The following TAF1B variants were observed in gnomAD, a reference collection of about 807,000 sequenced individuals.
TAF1B encodes TATA-box binding protein associated factor, RNA polymerase I subunit B.
In TAF1B, 61 loss-of-function variants were observed where a neutral mutation model predicts 83.9. The observed-to-expected ratio is 0.73, with a 90% CI of 0.59 to 0.90. The LOEUF (loss-of-function observed/expected upper bound fraction) is 0.90, where lower values mean the gene tolerates loss of function less well. Among genes scored for constraint, TAF1B ranks in the 40% least tolerant of loss-of-function variants. The probability of loss-of-function intolerance (pLI) is 0.00; values close to 1 mark genes in which losing one functional copy is unlikely to be tolerated. For synonymous variants in TAF1B, 221 were observed against 224.6 expected (o/e 0.98, Z 0.14); for missense variants, 625 against 677.0 (o/e 0.92, Z 0.85).
chr2:9,846,597 T>C (rs1342604419), intron 2 of TAF1B, among the ~76,000 whole-genome samples: 1 of 152,218 alleles, frequency 6.6e-6, no homozygotes, highest in East Asian at 1.9e-4. Flanking sequence ...GGACAAAATA[T>C]ATTAAATGAG....
At chr2:9,873,304 G>A (rs187748519) in intron 6 of TAF1B, among the ~76,000 whole-genome samples, 4 of 152,284 alleles carry the variant, frequency 2.6e-5, no homozygotes, top group Admixed American at 2.0e-4. Flanking sequence ...TATGAAGAAA[G>A]GACTTACAGA....
At position 9,933,836 on chromosome 2, in the gene TAF1B, A is replaced by G. The variant is rs748706662; in HGVS notation, c.1619A>G (p.Gln540Arg). 2 of 1,613,874 alleles carry G rather than the reference A, an allele frequency of 1.2e-6. No individual in the cohort carries two copies. The highest frequency in any genetic ancestry group is 8.5e-7 in the Non-Finnish European group (1 of 1,179,870). The change falls in exon 15 of 15, where the codon CAG (glutamine) becomes CGG (arginine). Residue 540 changes from glutamine to arginine, a missense_variant. By Grantham distance (43) the Gln-to-Arg change is conservative. Coordinates refer to ENST00000263663, the MANE Select transcript of TAF1B (RefSeq NM_005680.3). ...YEESNYSLSY[Q>R]FILNLFSFLL... Reference sequence around the variant, plus strand: ...GAATCAAATTATTCTCTGAGTTATCAGTTTATACTAAATCTCTTCTCCTTC... The same window carrying G: ...GAATCAAATTATTCTCTGAGTTATCGGTTTATACTAAATCTCTTCTCCTTC...
chr2:9,874,096 TATAAAG>T (rs1378471205), intron 6 of TAF1B, among the ~76,000 whole-genome samples: 2 of 152,172 alleles, frequency 1.3e-5, no homozygotes, highest in African/African-American at 2.4e-5. Flanking sequence ...TTTCTGTTCT[TATAAAG>T]AGAAAGAGGT....
chr2:9,867,730 G>T (rs1026336477), intron 5 of TAF1B, among the ~76,000 whole-genome samples: 2 of 152,166 alleles, frequency 1.3e-5, no homozygotes, highest in Non-Finnish European at 2.9e-5. Context: ...TTAAACAGTA[G>T]TATGAGATAG....
intron 6 of TAF1B, among the ~76,000 whole-genome samples, chr2:9,870,726 C>G (rs756949926): frequency 2.0e-5 from 3 of 151,282 alleles, no homozygotes; most frequent in Non-Finnish European, 4.4e-5. Flanking sequence ...TCTCTCTCTT[C>G]TCAATATAAT....
rs1382900202 is a variant in TAF1B at position 9,843,529 on chromosome 2, C to A, written c.-13C>A. 1 of 1,523,022 alleles carries A rather than the reference C, an allele frequency of 6.6e-7. No individual in the cohort carries two copies. The highest frequency in any genetic ancestry group is 8.8e-7 in the Non-Finnish European group (1 of 1,132,408). The allele number at this position is 1,523,022 out of a possible 1,614,324, so 94.3% of individuals were successfully genotyped here. A position where few individuals can be genotyped will look rare whatever the true frequency, so the allele number is the denominator to read the frequency against. ...TAACGGGTCCCGGCTGTGGAAGCTC[C>A]CGCGGCGCCGCGATGGACCTCGAGG... On this transcript the variant is annotated 5_prime_UTR_variant, in exon 1 of 15. Transcript: ENST00000263663.
chr2:9,853,242 C>G (rs912121038), intron 4 of TAF1B, among the ~76,000 whole-genome samples: 5 of 152,140 alleles, frequency 3.3e-5, no homozygotes, highest in African/African-American at 4.8e-5. Context: ...CTGTTTAGAC[C>G]TGATCAGTTG....
At chr2:9,893,160 G>A (rs1342324938) in intron 8 of TAF1B, among the ~76,000 whole-genome samples, 1 of 152,168 alleles carries the variant, frequency 6.6e-6, no homozygotes, top group Non-Finnish European at 1.5e-5. Flanking sequence ...TACAAAGAAT[G>A]CCCATATATC....
intron 2 of TAF1B, among the ~76,000 whole-genome samples, chr2:9,846,972 A>T (rs1204255352): frequency 6.6e-6 from 1 of 152,256 alleles, no homozygotes; most frequent in African/African-American, 2.4e-5. Flanking sequence ...GTGTAAACCC[A>T]GTGAAGAAAG....
chr2:9,884,031 G>A (rs1664592321), intron 8 of TAF1B, among the ~76,000 whole-genome samples: 1 of 152,340 alleles, frequency 6.6e-6, no homozygotes, highest in East Asian at 1.9e-4. Flanking sequence ...TCTCATGCCT[G>A]CCAAGGGCAA....
chr2:9,877,456 T>C (rs575851235), intron 7 of TAF1B, among the ~76,000 whole-genome samples: 101 of 152,316 alleles, frequency 6.6e-4, no homozygotes, highest in African/African-American at 2.4e-3. Context: ...TGGTCAATTG[T>C]CCACTCAGTT....
chr2:9,923,448 G>T lies in TAF1B; in HGVS notation c.1565+3628G>T, dbSNP rs532845242. On this transcript the variant is annotated intron_variant, in intron 14 of 14. Transcript: ENST00000263663. ...AATCCCAGCACTTTGGGAGGCCAAG[G>T]CGGGCAGATCACCTGAGGTCTGGAG... 3.9e-5 allele frequency among the ~76,000 whole-genome samples: 6 copies of T among 152,252 alleles called. No homozygotes were observed. The South Asian group carries it at 1.2e-3, about 32-fold the overall frequency.
intron 9 of TAF1B, among the ~76,000 whole-genome samples, chr2:9,905,834 T>C (rs189569115): frequency 4.6e-5 from 7 of 152,254 alleles, no homozygotes; most frequent in African/African-American, 1.7e-4. Flanking sequence ...TAGTAACATA[T>C]ATAAATGTAA....
chr2:9,858,998 T>C (rs1478707648), intron 5 of TAF1B, among the ~76,000 whole-genome samples: 1 of 152,242 alleles, frequency 6.6e-6, no homozygotes, highest in African/African-American at 2.4e-5. Context: ...CAAATTTCTA[T>C]AGCCGGCTTG....
In TAF1B at chr2:9,918,976, TCAGA is replaced by T. The variant is rs1426848789; in HGVS notation, c.1272-62_1272-59del. The stretch of plus-strand genomic sequence containing the variant: ...AATATCAGAAATCTCAGATAGTGCT[TCAGA>T]CAATGTGTTTATGTCCGTTTCATCT... On this transcript the variant is annotated intron_variant, in intron 12 of 14. Transcript: ENST00000263663. The T allele has an allele frequency of 6.7e-6, 9 of 1,349,188 alleles. No individual in the cohort carries two copies. The Admixed American group carries it at 1.6e-4, about 24-fold the overall frequency. The allele number at this position is 1,349,188 out of a possible 1,614,324, so 83.6% of individuals were successfully genotyped here. A position where few individuals can be genotyped will look rare whatever the true frequency, so the allele number is the denominator to read the frequency against.
intron 14 of TAF1B, among the ~76,000 whole-genome samples, chr2:9,921,001 C>T (rs4668653): frequency 0.49 from 74,175 of 151,972 alleles, 21,203 homozygotes; most frequent in Non-Finnish European, 0.65. Context: ...CTTAGACTTC[C>T]GGCTTAGTAA....
At chr2:9,913,294 G>T in intron 12 of TAF1B, 45 bp downstream of exon 12, 1 of 1,468,152 alleles carries the variant, frequency 6.8e-7, no homozygotes. Context: ...TTACTTCTGT[G>T]TCTGTTACTT....
chr2:9,847,768 A>G (rs1179469574), intron 2 of TAF1B, among the ~76,000 whole-genome samples: 10 of 152,238 alleles, frequency 6.6e-5, no homozygotes, highest in Admixed American at 1.3e-4. Flanking sequence ...TTTTATGATC[A>G]TAAGAGCAAT....
rs552454724 is a variant in TAF1B at position 9,895,613 on chromosome 2, G to A, written c.808-9246G>A. Among the ~76,000 whole-genome samples, 15 of 152,238 alleles carry A rather than the reference G, an allele frequency of 9.9e-5. No individual in the cohort carries two copies. In the South Asian group the frequency reaches 3.1e-3, roughly 32 times the overall value. ...CTATTTATGCATCATGATACATGTG[G>A]AATTCATTTTATTCTTTTTCCATAA... On this transcript the variant is annotated intron_variant, in intron 8 of 14. Transcript: ENST00000263663.
Sources: gnomAD v4.1 joint callset for allele counts (sites outside exome capture counted in the v4.1 genomes callset) on GRCh38, gnomAD v4.1.1 for gene constraint, MANE v1.5 for transcripts, NCBI Gene and HGNC (gene_info 2026-07-23, HGNC 2026-07-21) for gene names.